Variants in DCC observed in about 807,000 individuals in gnomAD.
DCC encodes the protein netrin receptor DCC.
A neutral mutation model predicts 172.5 loss-of-function variants in DCC; 58 were observed. That is an observed-to-expected ratio of 0.34 (90% CI 0.27 to 0.42). The LOEUF (loss-of-function observed/expected upper bound fraction) is 0.42. DCC is among the 10% of genes least tolerant of loss of function. DCC has a pLI of 1.00. For synonymous variants in DCC, 709 were observed against 644.5 expected, an observed-to-expected ratio of 1.10 and a Z score of -1.52; for missense variants, 1,740 against 1,791.0, an observed-to-expected ratio of 0.97 and a Z score of 0.51.
chr18:53,439,017 A>G (rs1298294561), intron 22 of DCC, among the ~76,000 whole-genome samples: 1 of 152,246 alleles, frequency 6.6e-6, no homozygotes. Context: ...AATGAGATGA[A>G]TAACGTATCT....
Position 53,294,527 on chromosome 18 carries a change from G to C in DCC, c.1912-11051G>C, listed in dbSNP as rs561582773. 7.9e-5 allele frequency among the ~76,000 whole-genome samples: 12 copies of C among 152,328 alleles called. No homozygotes were observed. In the South Asian group the frequency reaches 2.5e-3, roughly 32 times the overall value. ...CAGGTAACATGCCTAAGTTCAGAAA[G>C]GGTGGGTGTATTTTGGAAGGGAAGT... On this transcript the variant is annotated intron_variant, in intron 12 of 28. Transcript: ENST00000442544.
intron 12 of DCC, among the ~76,000 whole-genome samples, chr18:53,281,661 G>T (rs1028209210): frequency 6.6e-6 from 1 of 152,030 alleles, no homozygotes; most frequent in Non-Finnish European, 1.5e-5. Flanking sequence ...TGTTAAATAC[G>T]CAGGAATTTT....
chr18:52,716,935 G>T (rs1420561037), intron 1 of DCC, among the ~76,000 whole-genome samples: 1 of 152,176 alleles, frequency 6.6e-6, no homozygotes, highest in African/African-American at 2.4e-5. Context: ...TCACAGATGG[G>T]AGGCTAAATG....
chr18:53,259,933 C>G (rs981213430), intron 12 of DCC, among the ~76,000 whole-genome samples: 8 of 152,186 alleles, frequency 5.3e-5, no homozygotes, highest in Non-Finnish European at 7.3e-5. Flanking sequence ...AACTTCTCTT[C>G]TCACTTCATT....
intron 1 of DCC, among the ~76,000 whole-genome samples, chr18:52,366,820 T>C (rs1459125028): frequency 6.6e-6 from 1 of 152,178 alleles, no homozygotes; most frequent in Admixed American, 6.5e-5. Flanking sequence ...CCCACCAGAC[T>C]CAGGAGCCCA....
chr18:52,793,082 T>C (rs116378847), intron 2 of DCC, among the ~76,000 whole-genome samples: 3,325 of 152,274 alleles, frequency 0.022, 80 homozygotes, highest in East Asian at 0.088. Flanking sequence ...CAGCAGATTT[T>C]ATAGGCAGGT....
chr18:52,783,258 T>C (rs955827554), intron 2 of DCC, among the ~76,000 whole-genome samples: 2 of 149,568 alleles, frequency 1.3e-5, no homozygotes, highest in Non-Finnish European at 3.0e-5. Flanking sequence ...TTAACACCGA[T>C]TTAAACTCCT....
chr18:52,665,136 C>T (rs1835573830), intron 1 of DCC, among the ~76,000 whole-genome samples: 1 of 152,164 alleles, frequency 6.6e-6, no homozygotes, highest in African/African-American at 2.4e-5. Context: ...CTTCTTATCC[C>T]TTTTCCAATT....
chr18:53,410,717 T>A, intron 20 of DCC, 71 bp downstream of exon 20: 2 of 952,382 alleles, frequency 2.1e-6, no homozygotes, highest in East Asian at 2.4e-5. Context: ...CACTCTGTGT[T>A]AGAAATGGCC....
chr18:52,641,788 G>A (rs534314345), intron 1 of DCC, among the ~76,000 whole-genome samples: 32 of 152,004 alleles, frequency 2.1e-4, no homozygotes, highest in South Asian at 2.1e-3. Context: ...TAGCACAGCC[G>A]CCATGGAAAA....
rs548331450 is a variant in DCC at position 53,404,845 on chromosome 18, C to T, written c.2935+1952C>T. Among the ~76,000 whole-genome samples, 79 of 152,186 alleles carry T rather than the reference C, an allele frequency of 5.2e-4. 1 individual carries two copies. Among genetic ancestry groups the T allele is most frequent in the South Asian group, 2.9e-3 (14 of 4,822 alleles). On this transcript the variant is annotated intron_variant, in intron 19 of 28. Transcript: ENST00000442544. ...ATATAAAAGAAACTTTGTCCACACT[C>T]TTTACTTAGATTTATACGTTCAATG...
At chr18:52,606,567 A>G (rs1329882715) in intron 1 of DCC, among the ~76,000 whole-genome samples, 3 of 152,172 alleles carry the variant, frequency 2.0e-5, no homozygotes, top group Non-Finnish European at 4.4e-5. Context: ...GAATGCCAAA[A>G]TATTCTCAGA....
At chr18:53,175,441 C>G (rs557714040) in intron 8 of DCC, among the ~76,000 whole-genome samples, 2 of 152,036 alleles carry the variant, frequency 1.3e-5, no homozygotes, top group South Asian at 4.2e-4. Flanking sequence ...TCGTCTCAAC[C>G]CAAAATCTCC....
intron 1 of DCC, among the ~76,000 whole-genome samples, chr18:52,748,027 G>A (rs576094115): frequency 2.0e-5 from 3 of 152,298 alleles, no homozygotes; most frequent in South Asian, 4.1e-4. Context: ...GACAGGCTGC[G>A]GTCGGCTCGT....
chr18:52,824,074 C>CA (rs1174705178), intron 2 of DCC, among the ~76,000 whole-genome samples: 3 of 152,096 alleles, frequency 2.0e-5, no homozygotes, highest in Non-Finnish European at 4.4e-5. Context: ...ACTCCATGGC[C>CA]AGTTGGTATC....
intron 10 of DCC, 111 bp from the exon 11 acceptor site, chr18:53,207,568 G>A (rs568686703): frequency 9.7e-7 from 1 of 1,033,628 alleles, no homozygotes; most frequent in Admixed American, 1.8e-5. Flanking sequence ...TTAGAAGGCT[G>A]GAGTGTAGTT....
At chr18:53,402,433 GAT>G (rs974496562) in intron 18 of DCC, among the ~76,000 whole-genome samples, 122 of 151,508 alleles carry the variant, frequency 8.1e-4, no homozygotes, top group African/African-American at 2.8e-3. Context: ...ACTAGAAAAA[GAT>G]ATGTAATCAT....
At chr18:52,372,089 G>A (rs539999172) in intron 1 of DCC, among the ~76,000 whole-genome samples, 1 of 152,202 alleles carries the variant, frequency 6.6e-6, no homozygotes, top group Non-Finnish European at 1.5e-5. Context: ...CAAGTTCTCA[G>A]GTTCTGAGCC....
chr18:52,712,356 T>C (rs1312939316), intron 1 of DCC, among the ~76,000 whole-genome samples: 2 of 151,882 alleles, frequency 1.3e-5, no homozygotes, highest in Non-Finnish European at 2.9e-5. Context: ...TAATATATTA[T>C]TTGACTTTTA....
Sources: allele counts gnomAD v4.1 joint callset (sites outside exome capture counted in the v4.1 genomes callset), GRCh38; gene constraint gnomAD v4.1.1; transcripts MANE v1.5; gene names NCBI Gene and HGNC (gene_info 2026-07-23, HGNC 2026-07-21).